Variants in SGCZ observed in about 807,000 individuals in gnomAD.
SGCZ encodes zeta-sarcoglycan.
A neutral mutation model predicts 41.3 loss-of-function variants in SGCZ; 40 were observed. That is an observed-to-expected ratio of 0.97 (90% CI 0.75 to 1.26). SGCZ has a LOEUF of 1.26. Among genes scored for constraint, SGCZ ranks in the 50% most tolerant of loss-of-function variants. SGCZ has a pLI of 0.00. For synonymous variants in SGCZ, 206 were observed against 137.5 expected (o/e 1.50, Z -3.49); for missense variants, 552 against 369.8 (o/e 1.49, Z -4.04).
chr8:14,374,420 T>C (rs1234460905), intron 2 of SGCZ, among the ~76,000 whole-genome samples: 1 of 152,172 alleles, frequency 6.6e-6, no homozygotes, highest in East Asian at 1.9e-4. Flanking sequence ...CATATGAAAG[T>C]TGATTTATAA....
chr8:14,431,005 C>T (rs555856092), intron 2 of SGCZ, among the ~76,000 whole-genome samples: 17 of 152,106 alleles, frequency 1.1e-4, no homozygotes, highest in African/African-American at 2.9e-4. Context: ...AAGACCTGTA[C>T]AAGGAAAACT....
chr8:14,963,148 C>T (rs2130853906), intron 1 of SGCZ, among the ~76,000 whole-genome samples: 1 of 152,212 alleles, frequency 6.6e-6, no homozygotes, highest in African/African-American at 2.4e-5. Context: ...ACGGTTAATA[C>T]TCCCAGGAAA....
rs1374590743 is a variant in SGCZ, at chr8:14,434,094, GT to G, written c.235-109891del. Among the ~76,000 whole-genome samples the G allele has an allele frequency of 2.0e-5, 3 of 152,300 alleles. No homozygotes were observed. The East Asian group carries it at 5.8e-4, about 29-fold the overall frequency. ...GATGTTATGTTATAGAATTTTTATA[GT>G]TTTAGGTCTTAGATTTAAGTCCTTA... On this transcript the variant is annotated intron_variant, in intron 2 of 7. Transcript: ENST00000382080.
Position 14,394,141 on chromosome 8 carries a change from A to G in SGCZ, c.235-69937T>C, listed in dbSNP as rs113761255. Among the ~76,000 whole-genome samples, 232 of 112,898 alleles carry G rather than the reference A, an allele frequency of 2.1e-3. 6 individuals are homozygous for G. Among genetic ancestry groups the G allele is most frequent in the African/African-American group, 7.9e-3 (227 of 28,704 alleles). 74.1% of individuals were successfully genotyped at this position (112,898 alleles called of 152,430 possible). A position where few individuals can be genotyped will look rare whatever the true frequency, so the allele number is the denominator to read the frequency against. ...TTCATGCACTGCCCTACCGCCCCCC[A>G]CCTTTTTTTTTTTTTTTTTTTTTTT... On this transcript the variant is annotated intron_variant, in intron 2 of 7. Transcript: ENST00000382080.
At chr8:14,505,624 C>G (rs1223261230) in intron 2 of SGCZ, among the ~76,000 whole-genome samples, 1 of 152,132 alleles carries the variant, frequency 6.6e-6, no homozygotes, top group Non-Finnish European at 1.5e-5. Context: ...ATGTATATCT[C>G]TCTTCATCTA....
At chr8:14,542,758 T>A (rs186747770) in intron 2 of SGCZ, among the ~76,000 whole-genome samples, 2 of 152,202 alleles carry the variant, frequency 1.3e-5, no homozygotes, top group Admixed American at 6.5e-5. Flanking sequence ...TGCATTATTT[T>A]GGGTTGTTAT....
chr8:14,136,236 C>A (rs6530726), intron 5 of SGCZ, among the ~76,000 whole-genome samples: 1 of 152,096 alleles, frequency 6.6e-6, no homozygotes, highest in African/African-American at 2.4e-5. Flanking sequence ...GTGTGAGTGA[C>A]GCAGAAGACA....
chr8:14,297,403 G>A (rs1187539143), intron 3 of SGCZ, among the ~76,000 whole-genome samples: 3 of 150,892 alleles, frequency 2.0e-5, no homozygotes, highest in South Asian at 4.2e-4. Context: ...ATAGAAATAA[G>A]TAATTAAGAG....
At chr8:14,654,283 A>G (rs1480040156) in intron 1 of SGCZ, among the ~76,000 whole-genome samples, 1 of 151,816 alleles carries the variant, frequency 6.6e-6, no homozygotes, top group Non-Finnish European at 1.5e-5. Flanking sequence ...GAGCCAGCCC[A>G]CCTCGGGAGG....
At chr8:15,097,802 A>ATATATATATACGTG (rs1563123813) in intron 1 of SGCZ, among the ~76,000 whole-genome samples, 12 of 101,802 alleles carry the variant, frequency 1.2e-4, no homozygotes, top group African/African-American at 6.1e-4. Context: ...ATATACGTGT[A>ATATATATATACGTG]TATATATATA....
intron 2 of SGCZ, among the ~76,000 whole-genome samples, chr8:14,500,700 T>G (rs1189550021): frequency 6.6e-6 from 1 of 152,042 alleles, no homozygotes; most frequent in Non-Finnish European, 1.5e-5. Flanking sequence ...AAATGTTGAT[T>G]ATTTCCCATG....
intron 5 of SGCZ, among the ~76,000 whole-genome samples, chr8:14,115,831 C>CCTAT (rs111749696): frequency 5.3e-5 from 8 of 151,928 alleles, no homozygotes; most frequent in African/African-American, 1.7e-4. Flanking sequence ...ATTCCTTAAT[C>CCTAT]CTATCTTTTT....
intron 4 of SGCZ, among the ~76,000 whole-genome samples, chr8:14,224,308 T>C (rs115706913): frequency 0.027 from 4,160 of 152,164 alleles, 70 homozygotes; most frequent in Middle Eastern, 0.071. Flanking sequence ...AAAGAACCAA[T>C]AGTGACATTG....
At chr8:14,101,470 T>G (rs1250001422) in intron 7 of SGCZ, among the ~76,000 whole-genome samples, 1 of 152,238 alleles carries the variant, frequency 6.6e-6, no homozygotes, top group Admixed American at 6.5e-5. Context: ...ACAATAATCA[T>G]GTATACTTAT....
At chr8:14,307,047 G>C (rs762275004) in intron 3 of SGCZ, among the ~76,000 whole-genome samples, 1 of 151,948 alleles carries the variant, frequency 6.6e-6, no homozygotes, top group Non-Finnish European at 1.5e-5. Flanking sequence ...TCAAGAAATG[G>C]GAAAGAGAAA....
chr8:14,902,598 C>T (rs1423537904), intron 1 of SGCZ, among the ~76,000 whole-genome samples: 1 of 152,140 alleles, frequency 6.6e-6, no homozygotes, highest in Non-Finnish European at 1.5e-5. Context: ...CTCACCATAA[C>T]ATGAATATGG....
intron 2 of SGCZ, among the ~76,000 whole-genome samples, chr8:14,448,273 A>G (rs1020843732): frequency 6.6e-6 from 1 of 152,196 alleles, no homozygotes; most frequent in African/African-American, 2.4e-5. Context: ...AAATGAGGAT[A>G]CATATTAAGA....
chr8:15,237,254 C>CCT (rs1390985143), intron 1 of SGCZ, among the ~76,000 whole-genome samples: 1 of 151,808 alleles, frequency 6.6e-6, no homozygotes, highest in Non-Finnish European at 1.5e-5. Context: ...GTGCCGCTGC[C>CCT]CCCCCCGGGG....
chr8:14,843,161 G>C (rs1249245393), intron 1 of SGCZ, among the ~76,000 whole-genome samples: 1 of 152,126 alleles, frequency 6.6e-6, no homozygotes, highest in Non-Finnish European at 1.5e-5. Context: ...GCAGTGAGCT[G>C]AGATTGCACC....
Sources: gnomAD v4.1 joint callset for allele counts (sites outside exome capture counted in the v4.1 genomes callset) on GRCh38, gnomAD v4.1.1 for gene constraint, MANE v1.5 for transcripts, NCBI Gene and HGNC (gene_info 2026-07-23, HGNC 2026-07-21) for gene names.